Variants in BRINP3 observed in about 807,000 individuals in gnomAD.
BRINP3 encodes the protein BMP/retinoic acid inducible neural specific 3.
In BRINP3, 19 loss-of-function variants were observed where a neutral mutation model predicts 71.0. The observed-to-expected ratio is 0.27, with a 90% CI of 0.19 to 0.39. BRINP3 has a LOEUF of 0.39. Ranked by LOEUF, BRINP3 falls within the 10% of genes least tolerant of loss-of-function variation. The pLI is 1.00. For synonymous variants in BRINP3, 380 were observed against 337.7 expected, an observed-to-expected ratio of 1.13 and a Z score of -1.37; for missense variants, 959 against 940.8, an observed-to-expected ratio of 1.02 and a Z score of -0.25.
chr1:190,424,841 T>A (rs891444000), intron 2 of BRINP3, among the ~76,000 whole-genome samples: 5 of 151,670 alleles, frequency 3.3e-5, no homozygotes, highest in Admixed American at 6.6e-5. Context: ...TTTTCCTTTC[T>A]AACAGAAGGA....
At chr1:190,358,782 C>T (rs938587326) in intron 2 of BRINP3, among the ~76,000 whole-genome samples, 2 of 152,076 alleles carry the variant, frequency 1.3e-5, no homozygotes, top group African/African-American at 4.8e-5. Flanking sequence ...CAATGATAGA[C>T]TGGATTAAGA....
intron 5 of BRINP3, among the ~76,000 whole-genome samples, chr1:190,229,324 C>A (rs1466264878): frequency 6.6e-6 from 1 of 151,882 alleles, no homozygotes; most frequent in Non-Finnish European, 1.5e-5. Context: ...TGGGACCTCC[C>A]CTGCACAAAC....
chr1:190,407,488 C>T (rs1263233059), intron 2 of BRINP3, among the ~76,000 whole-genome samples: 1 of 152,058 alleles, frequency 6.6e-6, no homozygotes, highest in South Asian at 2.1e-4. Context: ...ACTGACACTC[C>T]AACCTCTCTC....
At chr1:190,202,027 G>C (rs1365083195) in intron 6 of BRINP3, among the ~76,000 whole-genome samples, 1 of 152,122 alleles carries the variant, frequency 6.6e-6, no homozygotes, top group South Asian at 2.1e-4. Flanking sequence ...CCAGACCCTA[G>C]AATGGTACAT....
At chr1:190,420,176 T>G (rs1045137945) in intron 2 of BRINP3, among the ~76,000 whole-genome samples, 8 of 152,052 alleles carry the variant, frequency 5.3e-5, no homozygotes, top group African/African-American at 1.9e-4. Flanking sequence ...CTCTAAGAAT[T>G]TTCTATTCCA....
At chr1:190,248,183 T>C (rs1478962586) in intron 4 of BRINP3, among the ~76,000 whole-genome samples, 2 of 151,872 alleles carry the variant, frequency 1.3e-5, no homozygotes, top group African/African-American at 4.8e-5. Context: ...CTCTTGCTAT[T>C]AGATTCGTGC....
intron 1 of BRINP3, among the ~76,000 whole-genome samples, chr1:190,465,424 C>T (rs1323358659): frequency 2.0e-5 from 3 of 151,902 alleles, no homozygotes; most frequent in Non-Finnish European, 4.4e-5. Context: ...GCATTTGTCT[C>T]TATGTTGTCC....
intron 2 of BRINP3, among the ~76,000 whole-genome samples, chr1:190,359,167 T>TA (rs1416423496): frequency 4.6e-5 from 7 of 151,298 alleles, no homozygotes; most frequent in Non-Finnish European, 1.0e-4. Flanking sequence ...TAATAACAAA[T>TA]AAAAAAATAA....
At chr1:190,468,734 G>A (rs561049210) in intron 1 of BRINP3, among the ~76,000 whole-genome samples, 1 of 151,012 alleles carries the variant, frequency 6.6e-6, no homozygotes, top group Non-Finnish European at 1.5e-5. Flanking sequence ...TTTGGGGGGT[G>A]GGAGTAGAGG....
chr1:190,185,356 G>A (rs1653419331), intron 6 of BRINP3, among the ~76,000 whole-genome samples: 1 of 151,834 alleles, frequency 6.6e-6, no homozygotes, highest in South Asian at 2.1e-4. Flanking sequence ...AAATGCTCAA[G>A]TCCCTGGTCA....
At position 190,408,339 on chromosome 1, in the gene BRINP3, C is replaced by T. The variant is rs192840007; in HGVS notation, c.236+46316G>A. On this transcript the variant is annotated intron_variant, in intron 2 of 7. Coordinates refer to ENST00000367462, the MANE Select transcript of BRINP3 (RefSeq NM_199051.3). Reference sequence around the variant, plus strand: ...GATTACAGGCGTGAGCCACCGCATCCGGCCTACATTTGTCATTTTATAAAT... The same window carrying T: ...GATTACAGGCGTGAGCCACCGCATCTGGCCTACATTTGTCATTTTATAAAT... 3.9e-3 allele frequency among the ~76,000 whole-genome samples: 596 copies of T among 152,092 alleles called. 5 individuals are homozygous for T. Among genetic ancestry groups the T allele is most frequent in the African/African-American group, 0.013 (550 of 41,488 alleles).
chr1:190,205,602 A>C (rs567758940), intron 6 of BRINP3, among the ~76,000 whole-genome samples: 63 of 152,196 alleles, frequency 4.1e-4, no homozygotes, highest in African/African-American at 1.4e-3. Context: ...ATTGGGCCAG[A>C]ACTGGAGTGT....
chr1:190,223,704 A>G (rs992536597), intron 6 of BRINP3, among the ~76,000 whole-genome samples: 4 of 151,924 alleles, frequency 2.6e-5, no homozygotes, highest in Admixed American at 2.6e-4. Flanking sequence ...CTAAATAAAA[A>G]GCATAAAAAC....
chr1:190,245,731 T>G (rs1659535435), intron 4 of BRINP3, among the ~76,000 whole-genome samples: 1 of 150,598 alleles, frequency 6.6e-6, no homozygotes. Flanking sequence ...TAGGTATATC[T>G]CCTAATGCTA....
chr1:190,198,482 T>A (rs1479016140), intron 6 of BRINP3, among the ~76,000 whole-genome samples: 1 of 152,132 alleles, frequency 6.6e-6, no homozygotes, highest in Non-Finnish European at 1.5e-5. Context: ...TTTGTGAATA[T>A]ATACATAAAA....
chr1:190,464,528 T>C (rs946448804), intron 1 of BRINP3, among the ~76,000 whole-genome samples: 4 of 151,958 alleles, frequency 2.6e-5, no homozygotes, highest in Non-Finnish European at 5.9e-5. Flanking sequence ...TACTACGTAA[T>C]GCACTGTCTT....
At chr1:190,472,895 A>G (rs1354310508) in intron 1 of BRINP3, among the ~76,000 whole-genome samples, 1 of 151,706 alleles carries the variant, frequency 6.6e-6, no homozygotes, top group Admixed American at 6.6e-5. Flanking sequence ...TATAATGTAC[A>G]ATAACTTTGC....
chr1:190,432,725 T>C (rs554454305), intron 2 of BRINP3, among the ~76,000 whole-genome samples: 2 of 152,202 alleles, frequency 1.3e-5, no homozygotes, highest in Non-Finnish European at 2.9e-5. Context: ...AGCTGAATAC[T>C]AATTTAATCC....
At chr1:190,215,039 T>C (rs974155642) in intron 6 of BRINP3, among the ~76,000 whole-genome samples, 1 of 151,106 alleles carries the variant, frequency 6.6e-6, no homozygotes, top group Non-Finnish European at 1.5e-5. Flanking sequence ...TTTATAAGTA[T>C]GTTCTTCTTT....
Sources: allele counts gnomAD v4.1 joint callset (sites outside exome capture counted in the v4.1 genomes callset), GRCh38; gene constraint gnomAD v4.1.1; transcripts MANE v1.5; gene names NCBI Gene and HGNC (gene_info 2026-07-23, HGNC 2026-07-21).